Variants in MYO1D observed in about 807,000 individuals in gnomAD.
MYO1D encodes the protein unconventional myosin-Id.
In MYO1D, 83 loss-of-function variants were observed where a neutral mutation model predicts 122.0. That is an observed-to-expected ratio of 0.68 (90% CI 0.57 to 0.82). MYO1D has a LOEUF of 0.82. MYO1D is among the 40% of genes least tolerant of loss of function. The probability of loss-of-function intolerance (pLI) is 0.00; values close to 1 mark genes in which losing one functional copy is unlikely to be tolerated. For missense variants in MYO1D, 1,157 were observed against 1,269.5 expected, an observed-to-expected ratio of 0.91 and a Z score of 1.35; for synonymous variants, 464 against 446.9, an observed-to-expected ratio of 1.04 and a Z score of -0.48.
At chr17:32,624,906 T>A (rs559408190) in intron 20 of MYO1D, among the ~76,000 whole-genome samples, 1 of 152,148 alleles carries the variant, frequency 6.6e-6, no homozygotes, top group African/African-American at 2.4e-5. Flanking sequence ...TTCTCTTGCC[T>A]CAGCCTCCCG....
chr17:32,620,807 G>A (rs912781257), intron 20 of MYO1D, among the ~76,000 whole-genome samples: 22 of 152,098 alleles, frequency 1.4e-4, no homozygotes, highest in African/African-American at 5.3e-4. Flanking sequence ...AGGGGGAGGA[G>A]CCAGGAGGCA....
intron 16 of MYO1D, among the ~76,000 whole-genome samples, chr17:32,690,536 T>A (rs2089083230): frequency 6.6e-6 from 1 of 152,148 alleles, no homozygotes. Context: ...CCCCTTCGAA[T>A]CTCCAGTTGA....
At chr17:32,536,767 C>A (rs995619274) in intron 21 of MYO1D, among the ~76,000 whole-genome samples, 1 of 152,144 alleles carries the variant, frequency 6.6e-6, no homozygotes. Flanking sequence ...ATTTTCCATT[C>A]GATATCCTTA....
chr17:32,755,234 C>A (rs375833991), intron 11 of MYO1D, among the ~76,000 whole-genome samples: 2 of 152,206 alleles, frequency 1.3e-5, no homozygotes, highest in East Asian at 3.8e-4. Context: ...GAATCATGCT[C>A]ATTTTTCCTG....
intron 8 of MYO1D, among the ~76,000 whole-genome samples, chr17:32,761,870 A>C (rs2090005240): frequency 6.6e-6 from 1 of 152,170 alleles, no homozygotes; most frequent in African/African-American, 2.4e-5. Flanking sequence ...TTTATTCAAC[A>C]AATATTTGCT....
chr17:32,728,693 T>C (rs188032124), intron 14 of MYO1D, among the ~76,000 whole-genome samples: 4 of 152,256 alleles, frequency 2.6e-5, no homozygotes. Flanking sequence ...AACTAAACCT[T>C]AGGTCAAAAA....
At chr17:32,804,181 T>C (rs1483828702) in intron 1 of MYO1D, among the ~76,000 whole-genome samples, 2 of 152,208 alleles carry the variant, frequency 1.3e-5, no homozygotes, top group South Asian at 2.1e-4. Context: ...CAGATACTTA[T>C]AATGCCCAAT....
chr17:32,519,972 G>A lies in MYO1D; in HGVS notation c.2865-25057C>T, dbSNP rs143370822. 3.7e-3 allele frequency among the ~76,000 whole-genome samples: 558 copies of A among 151,648 alleles called. 7 individuals are homozygous for A. The highest frequency in any genetic ancestry group is 0.013 in the African/African-American group (536 of 41,252). On this transcript the variant is annotated intron_variant, in intron 21 of 21. Coordinates refer to ENST00000318217, the MANE Select transcript of MYO1D (RefSeq NM_015194.3). ...GGGAGGAGAAAGGGCTACCCCCGCA[G>A]CCATGTGAAATAGGATTAGTGGAAA...
chr17:32,553,940 G>A (rs1282256034), intron 21 of MYO1D, among the ~76,000 whole-genome samples: 1 of 152,116 alleles, frequency 6.6e-6, no homozygotes, highest in African/African-American at 2.4e-5. Context: ...AAATAAGTAC[G>A]TTCTAACATG....
intron 13 of MYO1D, among the ~76,000 whole-genome samples, chr17:32,742,319 C>T (rs917851769): frequency 1.8e-4 from 28 of 152,246 alleles, no homozygotes; most frequent in Non-Finnish European, 3.4e-4. Context: ...ATGGATACTT[C>T]GGGACAACTG....
At chr17:32,705,836 C>T (rs915705960) in intron 16 of MYO1D, among the ~76,000 whole-genome samples, 2 of 152,110 alleles carry the variant, frequency 1.3e-5, no homozygotes, top group Non-Finnish European at 2.9e-5. Flanking sequence ...ATACTGTTCT[C>T]ATGGTAGTGA....
chr17:32,592,861 C>T (rs1202879526), intron 21 of MYO1D, among the ~76,000 whole-genome samples: 1 of 152,080 alleles, frequency 6.6e-6, no homozygotes, highest in Non-Finnish European at 1.5e-5. Context: ...TGAAAAAAAC[C>T]CCAACAAAAC....
intron 20 of MYO1D, among the ~76,000 whole-genome samples, chr17:32,622,810 C>A (rs563651651): frequency 6.6e-6 from 1 of 152,284 alleles, no homozygotes; most frequent in South Asian, 2.1e-4. Context: ...TGAGGACTTT[C>A]CACGCATTAT....
At chr17:32,569,052 TAATA>T (rs1288001928) in intron 21 of MYO1D, among the ~76,000 whole-genome samples, 2 of 152,220 alleles carry the variant, frequency 1.3e-5, no homozygotes, top group Admixed American at 6.5e-5. Flanking sequence ...TGTCAGTTGA[TAATA>T]AATAAATCCC....
At chr17:32,532,588 G>A (rs1005442410) in intron 21 of MYO1D, among the ~76,000 whole-genome samples, 32 of 151,986 alleles carry the variant, frequency 2.1e-4, no homozygotes, top group Non-Finnish European at 3.5e-4. Context: ...TTAGCCGGGC[G>A]TGGTGGCGGC....
chr17:32,719,741 A>G (rs1021656791), intron 15 of MYO1D, among the ~76,000 whole-genome samples: 1 of 152,100 alleles, frequency 6.6e-6, no homozygotes, highest in Non-Finnish European at 1.5e-5. Context: ...AAATCCACCA[A>G]TGGTTTTGTT....
Position 32,607,830 on chromosome 17 carries a change from ACT to A in MYO1D, c.2710-2591_2710-2590del, listed in dbSNP as rs1226575564. On this transcript the variant is annotated intron_variant, in intron 20 of 21. Transcript: ENST00000318217. Reference sequence around the variant, plus strand: ...AAAAAAAAACATAGATCAGAAACAGACTCACGTGAATATGGCCAATAATTTTT... The same window carrying A: ...AAAAAAAAACATAGATCAGAAACAGACACGTGAATATGGCCAATAATTTTT... Among the ~76,000 whole-genome samples, 9 of 152,222 alleles carry A rather than the reference ACT, an allele frequency of 5.9e-5. No individual in the cohort carries two copies. The East Asian group carries it at 1.7e-3, about 29-fold the overall frequency.
At chr17:32,742,307 C>T (rs138284910) in intron 13 of MYO1D, among the ~76,000 whole-genome samples, 75 of 152,242 alleles carry the variant, frequency 4.9e-4, no homozygotes, top group Non-Finnish European at 7.4e-4. Context: ...AATTAATCCC[C>T]CATGGATACT....
At chr17:32,525,897 C>T (rs1056084680) in intron 21 of MYO1D, among the ~76,000 whole-genome samples, 25 of 152,200 alleles carry the variant, frequency 1.6e-4, no homozygotes, top group African/African-American at 5.3e-4. Context: ...CTGCCCTTCT[C>T]GCTAGGTCAT....
Sources: gnomAD v4.1 joint callset for allele counts (sites outside exome capture counted in the v4.1 genomes callset) on GRCh38, gnomAD v4.1.1 for gene constraint, MANE v1.5 for transcripts, NCBI Gene and HGNC (gene_info 2026-07-23, HGNC 2026-07-21) for gene names.